The following DKK2 variants were observed in gnomAD, a reference collection of about 807,000 sequenced individuals.
DKK2 encodes dickkopf-related protein 2.
DKK2 carries 11 observed loss-of-function variants against 28.1 expected under a neutral mutation model. The observed-to-expected ratio is 0.39, with a 90% CI of 0.25 to 0.65. The LOEUF is 0.65. Ranked by LOEUF, DKK2 falls within the 30% of genes least tolerant of loss-of-function variation. DKK2 has a pLI of 0.47. For missense variants in DKK2, 326 were observed against 335.5 expected, an observed-to-expected ratio of 0.97 and a Z score of 0.22; for synonymous variants, 135 against 126.5, an observed-to-expected ratio of 1.07 and a Z score of -0.45.
At chr4:106,982,171 CGTTG>C (rs1273533195) in intron 1 of DKK2, among the ~76,000 whole-genome samples, 2 of 152,048 alleles carry the variant, frequency 1.3e-5, no homozygotes, top group African/African-American at 4.8e-5. Flanking sequence ...TCGTTTATTT[CGTTG>C]GTTATTTTAT....
At chr4:106,988,404 T>C (rs1387733066) in intron 1 of DKK2, among the ~76,000 whole-genome samples, 1 of 152,196 alleles carries the variant, frequency 6.6e-6, no homozygotes, top group Non-Finnish European at 1.5e-5. Context: ...AAAATGGATA[T>C]AAAAGGAATG....
intron 1 of DKK2, among the ~76,000 whole-genome samples, chr4:107,011,677 A>T (rs80146685): frequency 6.7e-6 from 1 of 150,192 alleles, no homozygotes; most frequent in Non-Finnish European, 1.5e-5. Flanking sequence ...AAATTAGCAT[A>T]TATCTTTGTC....
chr4:106,958,419 C>T (rs1484060543), intron 1 of DKK2, among the ~76,000 whole-genome samples: 3 of 152,030 alleles, frequency 2.0e-5, no homozygotes, highest in African/African-American at 7.2e-5. Context: ...CTCCTCCACC[C>T]CTTTATATAT....
intron 1 of DKK2, among the ~76,000 whole-genome samples, chr4:106,972,045 A>C (rs1560583229): frequency 6.6e-6 from 1 of 152,138 alleles, no homozygotes; most frequent in Admixed American, 6.6e-5. Flanking sequence ...TGTCCAAATA[A>C]ATAAAGGCCT....
At chr4:106,951,041 C>T (rs1157171549) in intron 1 of DKK2, among the ~76,000 whole-genome samples, 2 of 151,788 alleles carry the variant, frequency 1.3e-5, no homozygotes, top group Non-Finnish European at 2.9e-5. Context: ...TTTGATTCAC[C>T]CATGTTGTTG....
At chr4:106,956,307 A>G (rs1011014171) in intron 1 of DKK2, among the ~76,000 whole-genome samples, 1 of 152,134 alleles carries the variant, frequency 6.6e-6, no homozygotes, top group Non-Finnish European at 1.5e-5. Flanking sequence ...AATCAATATC[A>G]TGAAAATGGC....
intron 1 of DKK2, among the ~76,000 whole-genome samples, chr4:107,034,468 G>C (rs1220601319): frequency 2.0e-5 from 3 of 152,174 alleles, no homozygotes; most frequent in Non-Finnish European, 4.4e-5. Context: ...GGTACCGAGT[G>C]TGCGCGCTCG....
chr4:106,983,887 G>A (rs979513039), intron 1 of DKK2, among the ~76,000 whole-genome samples: 14 of 152,158 alleles, frequency 9.2e-5, no homozygotes, highest in Non-Finnish European at 1.0e-4. Context: ...TTAGGGAAAT[G>A]CAAATTAAAA....
intron 1 of DKK2, among the ~76,000 whole-genome samples, chr4:106,960,768 A>C (rs1722674507): frequency 6.6e-6 from 1 of 152,132 alleles, no homozygotes; most frequent in Non-Finnish European, 1.5e-5. Context: ...AAAACTAGAG[A>C]GAATGTTTAT....
chr4:106,993,458 G>A (rs866759019), intron 1 of DKK2, among the ~76,000 whole-genome samples: 2 of 151,830 alleles, frequency 1.3e-5, no homozygotes, highest in East Asian at 3.9e-4. Flanking sequence ...TAATATCCAC[G>A]AAGACCAATT....
intron 1 of DKK2, among the ~76,000 whole-genome samples, chr4:106,943,432 A>G (rs1413175621): frequency 1.3e-5 from 2 of 152,090 alleles, no homozygotes; most frequent in East Asian, 1.9e-4. Flanking sequence ...TGACAAAAAT[A>G]CTCAATTAAG....
chr4:107,014,358 A>C (rs548975065), intron 1 of DKK2, among the ~76,000 whole-genome samples: 1 of 151,672 alleles, frequency 6.6e-6, no homozygotes, highest in Non-Finnish European at 1.5e-5. Context: ...AACCTGAAGG[A>C]CATTATGTTA....
chr4:106,965,841 C>A (rs1400388332), intron 1 of DKK2, among the ~76,000 whole-genome samples: 1 of 145,668 alleles, frequency 6.9e-6, no homozygotes, highest in Non-Finnish European at 1.5e-5. Flanking sequence ...TGAGAATATG[C>A]GGTGTTTGGT....
At chr4:106,958,689 T>C (rs1722640121) in intron 1 of DKK2, among the ~76,000 whole-genome samples, 1 of 151,664 alleles carries the variant, frequency 6.6e-6, no homozygotes, top group South Asian at 2.1e-4. Context: ...TGCAAAAAAT[T>C]AGCCGGATGT....
At chr4:106,945,673 T>C (rs1412865448) in intron 1 of DKK2, among the ~76,000 whole-genome samples, 2 of 152,140 alleles carry the variant, frequency 1.3e-5, no homozygotes, top group Admixed American at 6.6e-5. Context: ...GGAGTAGTAA[T>C]ATATACCCAT....
chr4:107,009,951 G>C (rs1478772132), intron 1 of DKK2, among the ~76,000 whole-genome samples: 3 of 151,776 alleles, frequency 2.0e-5, no homozygotes, highest in Admixed American at 6.6e-5. Flanking sequence ...CCAGGTGACT[G>C]TGCCTCAATT....
intron 1 of DKK2, among the ~76,000 whole-genome samples, chr4:106,981,935 C>T: frequency 6.6e-6 from 1 of 151,966 alleles, no homozygotes; most frequent in East Asian, 1.9e-4. Flanking sequence ...TCCTTGAGGT[C>T]ATAGTAGCAA....
At chr4:107,014,700 G>A (rs1395161938) in intron 1 of DKK2, among the ~76,000 whole-genome samples, 8 of 151,506 alleles carry the variant, frequency 5.3e-5, no homozygotes, top group Non-Finnish European at 1.0e-4. Flanking sequence ...TATGCTAAAT[G>A]CCCTGATTTG....
At chr4:106,980,395 A>G (rs1390027497) in intron 1 of DKK2, among the ~76,000 whole-genome samples, 3 of 152,126 alleles carry the variant, frequency 2.0e-5, no homozygotes, top group Non-Finnish European at 4.4e-5. Flanking sequence ...AATCTTCTAA[A>G]CTTAATTATG....
Sources: allele counts gnomAD v4.1 joint callset (sites outside exome capture counted in the v4.1 genomes callset), GRCh38; gene constraint gnomAD v4.1.1; transcripts MANE v1.5; gene names NCBI Gene and HGNC (gene_info 2026-07-23, HGNC 2026-07-21).